Variants in VWA3A observed in about 807,000 individuals in gnomAD.
The protein encoded by VWA3A is von Willebrand factor A domain containing 3A, also known as von Willebrand factor A domain-containing protein 3A.
A neutral mutation model predicts 160.4 loss-of-function variants in VWA3A; 134 were observed. That is an observed-to-expected ratio of 0.84 (90% CI 0.73 to 0.96). The LOEUF is 0.96. Among genes scored for constraint, VWA3A ranks in the 40% least tolerant of loss-of-function variants. VWA3A has a pLI of 0.00. For synonymous variants in VWA3A, 476 were observed against 543.4 expected (o/e 0.88, Z 1.72); for missense variants, 1,310 against 1,447.9 (o/e 0.90, Z 1.55).
chr16:22,150,641 G>T, intron 29 of VWA3A, 54 bp from the exon 30 acceptor site: 1 of 1,541,100 alleles, frequency 6.5e-7, no homozygotes, highest in South Asian at 1.2e-5. Context: ...TTTGGTTCTT[G>T]TGTTCTGGGT....
At chr16:22,122,639 A>G (rs894251000) in intron 14 of VWA3A, among the ~76,000 whole-genome samples, 2 of 152,156 alleles carry the variant, frequency 1.3e-5, no homozygotes, top group African/African-American at 4.8e-5. Context: ...GGAGGATGAA[A>G]AAACAGGATG....
At chr16:22,124,594 A>G (rs1404409794) in intron 16 of VWA3A, among the ~76,000 whole-genome samples, 6 of 149,830 alleles carry the variant, frequency 4.0e-5, no homozygotes, top group Non-Finnish European at 8.9e-5. Context: ...GAGTCTTGCT[A>G]TGTTGCCCAG....
At chr16:22,123,584 G>C (rs1267576148) in intron 15 of VWA3A, 29 bp from the exon 16 acceptor site, 4 of 1,613,586 alleles carry the variant, frequency 2.5e-6, no homozygotes, top group Non-Finnish European at 3.4e-6. Flanking sequence ...CCTTTGAGCA[G>C]CCGCTCACTG....
Position 22,118,987 on chromosome 16 carries a change from A to G in VWA3A, c.1076A>G (p.His359Arg), listed in dbSNP as rs1319856597. 1 of 1,613,762 alleles carries G rather than the reference A, an allele frequency of 6.2e-7. No homozygotes were observed. Among genetic ancestry groups the G allele is most frequent in the Admixed American group, 1.7e-5 (1 of 59,976 alleles). ...CTCAGCCACGTGCAAGCCCTGCAGC[A>G]CAGCAGCCCCTGTGAGGCGCTCACC... Reference protein sequence around the residue: ...SLLSHVQALQHSSPCEALTCT... With the variant: ...SLLSHVQALQRSSPCEALTCT... The change falls in exon 12 of 34, where the codon CAC becomes CGC. Residue 359 changes from histidine (H) to arginine (R), a missense_variant. His to Arg is a conservative substitution (Grantham distance 29). Coordinates refer to ENST00000389398, the MANE Select transcript of VWA3A (RefSeq NM_173615.5).
chr16:22,115,758 G>A (rs1026255711), intron 9 of VWA3A, among the ~76,000 whole-genome samples: 1 of 150,154 alleles, frequency 6.7e-6, no homozygotes, highest in Admixed American at 6.7e-5. Context: ...GATTGATTAA[G>A]CCCAGGAGTT....
At chr16:22,154,631 C>T (rs748180840) in intron 31 of VWA3A, among the ~76,000 whole-genome samples, 9 of 151,630 alleles carry the variant, frequency 5.9e-5, no homozygotes, top group Non-Finnish European at 1.0e-4. Flanking sequence ...GGATAGGTGG[C>T]GAAATTTTAT....
intron 23 of VWA3A, 116 bp downstream of exon 23, chr16:22,140,360 C>A: frequency 1.0e-6 from 1 of 972,076 alleles, no homozygotes; most frequent in East Asian, 2.8e-5. Context: ...ATAATCCCAG[C>A]ACTTTTGGAG....
chr16:22,121,714 G>GT, intron 14 of VWA3A, 97 bp downstream of exon 14: 2 of 956,564 alleles, frequency 2.1e-6, no homozygotes, highest in Non-Finnish European at 3.2e-6. Flanking sequence ...GAATCACCAG[G>GT]GATTCAGGCT....
At chr16:22,142,646 G>C in intron 24 of VWA3A, 22 bp from the exon 25 acceptor site, 1 of 1,538,730 alleles carries the variant, frequency 6.5e-7, no homozygotes. Flanking sequence ...CTATAGCAAT[G>C]ACCTCACTCT....
chr16:22,116,119 AAAAG>A (rs1330631420), intron 9 of VWA3A, among the ~76,000 whole-genome samples: 6 of 151,342 alleles, frequency 4.0e-5, no homozygotes, highest in Admixed American at 6.6e-5. Context: ...AAACAAGAAA[AAAAG>A]AAAGGAAGGA....
chr16:22,098,270 A>G (rs987300553), intron 3 of VWA3A, among the ~76,000 whole-genome samples: 3 of 152,180 alleles, frequency 2.0e-5, no homozygotes, highest in Non-Finnish European at 4.4e-5. Context: ...TAAATATGAT[A>G]CCTTTGAAAT....
At chr16:22,122,240 A>AATGG (rs1415693844) in intron 14 of VWA3A, among the ~76,000 whole-genome samples, 1 of 129,780 alleles carries the variant, frequency 7.7e-6, no homozygotes, top group Non-Finnish European at 1.6e-5. Flanking sequence ...TGGGTGGATG[A>AATGG]ATGGATGGAT....
At chr16:22,119,880 T>C (rs1384310163) in intron 12 of VWA3A, among the ~76,000 whole-genome samples, 1 of 151,892 alleles carries the variant, frequency 6.6e-6, no homozygotes, top group Non-Finnish European at 1.5e-5. Context: ...TAGCGAGGCA[T>C]GGTGGCAGGC....
intron 5 of VWA3A, among the ~76,000 whole-genome samples, chr16:22,100,841 CAAA>C (rs767100971): frequency 2.3e-5 from 2 of 87,822 alleles, no homozygotes. Context: ...AACTCTGTCT[CAAA>C]AAAAAAAAAA....
chr16:22,117,146 C>T lies in VWA3A; in HGVS notation c.960C>T (p.Gly320=), dbSNP rs2045662687. The change falls in exon 11 of 34, where the codon GGC becomes GGT. Residue 320 remains glycine (G), a synonymous_variant. Coordinates refer to ENST00000389398, the MANE Select transcript of VWA3A (RefSeq NM_173615.5). ...AGAACCTTGCAGAAGCTGTTAGGGG[C>T]TACTACCACTGCTACAGCCCAAAGA... is the stretch of plus-strand genomic sequence containing the variant. ...VLKNLAEAVR[G]YYHCYSPKME... The T allele has an allele frequency of 5.7e-6, 9 of 1,584,254 alleles. No individual in the cohort carries two copies. Among genetic ancestry groups the T allele is most frequent in the Non-Finnish European group, 6.9e-6 (8 of 1,165,046 alleles).
intron 1 of VWA3A, among the ~76,000 whole-genome samples, chr16:22,096,008 C>T (rs1254383897): frequency 2.0e-5 from 3 of 152,108 alleles, no homozygotes; most frequent in Non-Finnish European, 2.9e-5. Context: ...TAGTGGTTTA[C>T]AACTAGGGAC....
At chr16:22,116,974 T>G in intron 10 of VWA3A, 107 bp downstream of exon 10, 6 of 1,407,552 alleles carry the variant, frequency 4.3e-6, no homozygotes, top group South Asian at 1.2e-5. Context: ...TGGACCAGAA[T>G]GCACCTGTCC....
chr16:22,120,951 T>A lies in VWA3A; in HGVS notation c.1117-17T>A, dbSNP rs2045722639. ...TAAAATATGATTATGTAATGAGGGC[T>A]TTCTCATTTAACTTAGATTTCCACA... On this transcript the variant is annotated splice_polypyrimidine_tract_variant and intron_variant, in intron 12 of 33. Transcript: ENST00000389398. 9.3e-6 allele frequency: 15 copies of A among 1,613,758 alleles called. No individual in the cohort carries two copies. The highest frequency in any genetic ancestry group is 1.1e-5 in the Non-Finnish European group (13 of 1,179,748).
chr16:22,143,940 A>G (rs2046200471), intron 25 of VWA3A, among the ~76,000 whole-genome samples: 1 of 150,882 alleles, frequency 6.6e-6, no homozygotes, highest in Non-Finnish European at 1.5e-5. Context: ...GGGTTTCACC[A>G]TGTTGGCCAG....
Sources: allele counts gnomAD v4.1 joint callset (sites outside exome capture counted in the v4.1 genomes callset), GRCh38; gene constraint gnomAD v4.1.1; transcripts MANE v1.5; gene names NCBI Gene and HGNC (gene_info 2026-07-23, HGNC 2026-07-21).